TGFB2: variants seen among roughly 807,000 people sequenced by gnomAD.
TGFB2 encodes transforming growth factor beta 2, also known as transforming growth factor beta-2 proprotein.
TGFB2 carries 13 observed loss-of-function variants against 42.7 expected under a neutral mutation model. The observed-to-expected ratio is 0.30, with a 90% CI of 0.20 to 0.48. The LOEUF (loss-of-function observed/expected upper bound fraction) is 0.48. Among genes scored for constraint, TGFB2 ranks in the 20% least tolerant of loss-of-function variants. The pLI, the probability that TGFB2 is intolerant of heterozygous loss-of-function variation, is 0.99. For missense variants in TGFB2, 390 were observed against 517.5 expected, an observed-to-expected ratio of 0.75 and a Z score of 2.39; for synonymous variants, 193 against 193.6, an observed-to-expected ratio of 1.00 and a Z score of 0.03.
At position 218,424,282 on chromosome 1, in the gene TGFB2, G is replaced by A. The variant is rs545234441; in HGVS notation, c.511-9800G>A. ...ACTGTTGCTAGTGCTCTGTGGCTCC[G>A]AAGAGTAGCTTATACATTGAATAGC... On this transcript the variant is annotated intron_variant, in intron 2 of 6. Transcript: ENST00000366930. Among the ~76,000 whole-genome samples the A allele has an allele frequency of 3.1e-4, 47 of 152,330 alleles. No individual in the cohort carries two copies. In the South Asian group the frequency reaches 7.7e-3, roughly 25 times the overall value.
At chr1:218,432,259 C>T (rs1659830320) in intron 2 of TGFB2, among the ~76,000 whole-genome samples, 1 of 152,162 alleles carries the variant, frequency 6.6e-6, no homozygotes, top group Non-Finnish European at 1.5e-5. Flanking sequence ...GCATGCCAAG[C>T]CCAGAGCGTA....
rs1660150022 is a variant in TGFB2 at position 218,441,457 on chromosome 1, G to C, written c.*95G>C. The stretch of plus-strand genomic sequence containing the variant: ...ATGCTTGTAACAAGAAAACATAAGA[G>C]AGCCTTGGTTCATCAGTGTTAAAAA... On this transcript the variant is annotated 3_prime_UTR_variant, in exon 7 of 7. Coordinates refer to ENST00000366930, the MANE Select transcript of TGFB2 (RefSeq NM_003238.6). 1.5e-6 allele frequency: 2 copies of C among 1,374,926 alleles called. No individual in the cohort carries two copies. Among genetic ancestry groups the C allele is most frequent in the Non-Finnish European group, 1.9e-6 (2 of 1,031,260 alleles). 85.2% of individuals were successfully genotyped at this position (1,374,926 alleles called of 1,614,324 possible).
At position 218,346,056 on chromosome 1, in the gene TGFB2, G is replaced by GCACACGCA. The variant is rs1553291857; in HGVS notation, c.-641_-640insGCACACAC. ...GGGCTCGCCCCCAGCGCGCGCACAC[G>GCACACGCA]CACACACACACACACACACACACAC... On this transcript the variant is annotated 5_prime_UTR_variant, in exon 1 of 7. Transcript: ENST00000366930. This position sits in a 1 kb window ranked among gnomAD's most constrained non-coding sequence, Gnocchi z 4.9. Among the ~76,000 whole-genome samples the GCACACGCA allele has an allele frequency of 1.4e-5, 2 of 145,604 alleles. No individual in the cohort carries two copies. The highest frequency in any genetic ancestry group is 2.5e-5 in the African/African-American group (1 of 39,610).
At position 218,349,364 on chromosome 1, in the gene TGFB2, C is replaced by A. The variant is rs550704865; in HGVS notation, c.346+2317C>A. On this transcript the variant is annotated intron_variant, in intron 1 of 6. Coordinates refer to ENST00000366930, the MANE Select transcript of TGFB2 (RefSeq NM_003238.6). ...AAAAAAAAGGAAAAAAAGAAAAAAA[C>A]CATATTTTTAAAAAGCAAATTGAAA... is the stretch of plus-strand genomic sequence containing the variant. Among the ~76,000 whole-genome samples the A allele has an allele frequency of 1.5e-4, 23 of 152,192 alleles. No homozygotes were observed. In the East Asian group the frequency reaches 2.3e-3, roughly 15 times the overall value.
chr1:218,361,737 A>G (rs182504740), intron 1 of TGFB2, among the ~76,000 whole-genome samples: 59 of 152,316 alleles, frequency 3.9e-4, no homozygotes, highest in Non-Finnish European at 6.8e-4. Flanking sequence ...TGACTTGTTA[A>G]TCTTGTGACA....
rs73110330 is a variant in TGFB2, at chr1:218,373,312, A to C, written c.346+26265A>C. Among the ~76,000 whole-genome samples, 23 of 152,272 alleles carry C rather than the reference A, an allele frequency of 1.5e-4. 1 individual carries two copies. Among genetic ancestry groups the C allele is most frequent in the African/African-American group, 5.5e-4 (23 of 41,564 alleles). Reference sequence around the variant, plus strand: ...TGTTAGGTTTTGAGTGAATTTCTGCATGAAGAAAAGACATCTATTTGGGTG... The same window carrying C: ...TGTTAGGTTTTGAGTGAATTTCTGCCTGAAGAAAAGACATCTATTTGGGTG... On this transcript the variant is annotated intron_variant, in intron 1 of 6. Coordinates refer to ENST00000366930, the MANE Select transcript of TGFB2 (RefSeq NM_003238.6).
chr1:218,411,900 A>G (rs1166439963), intron 2 of TGFB2, among the ~76,000 whole-genome samples: 1 of 151,882 alleles, frequency 6.6e-6, no homozygotes, highest in African/African-American at 2.4e-5. Flanking sequence ...CCCAGAAATG[A>G]CACAGCATCA....
At chr1:218,404,576 A>G (rs1658843269) in intron 1 of TGFB2, among the ~76,000 whole-genome samples, 1 of 152,240 alleles carries the variant, frequency 6.6e-6, no homozygotes, top group Non-Finnish European at 1.5e-5. Context: ...TGGATCTGGT[A>G]TAAGCTAGTA....
At chr1:218,400,474 C>T (rs1463726601) in intron 1 of TGFB2, among the ~76,000 whole-genome samples, 1 of 152,032 alleles carries the variant, frequency 6.6e-6, no homozygotes, top group African/African-American at 2.4e-5. Context: ...GCCACAAGCC[C>T]ACAAGATTGA....
At chr1:218,399,525 A>G (rs1218022120) in intron 1 of TGFB2, among the ~76,000 whole-genome samples, 1 of 152,248 alleles carries the variant, frequency 6.6e-6, no homozygotes, top group Admixed American at 6.5e-5. Flanking sequence ...TGAACATTGT[A>G]GTGAAAGGTG....
At chr1:218,373,504 TACTA>T (rs149219173) in intron 1 of TGFB2, among the ~76,000 whole-genome samples, 3,124 of 151,934 alleles carry the variant, frequency 0.021, 96 homozygotes, top group African/African-American at 0.069. Context: ...TTGTTAATAA[TACTA>T]ACTATCAGTT....
intron 1 of TGFB2, among the ~76,000 whole-genome samples, chr1:218,390,060 C>A (rs1658270171): frequency 6.6e-6 from 1 of 151,978 alleles, no homozygotes; most frequent in Non-Finnish European, 1.5e-5. Flanking sequence ...TTACTTTCAC[C>A]CTCACACATT....
At chr1:218,420,370 G>T (rs533093632) in intron 2 of TGFB2, among the ~76,000 whole-genome samples, 2 of 152,278 alleles carry the variant, frequency 1.3e-5, no homozygotes, top group Non-Finnish European at 2.9e-5. Flanking sequence ...TAGTCCAGTT[G>T]AATCCTTTTC....
In TGFB2 at chr1:218,438,830, C is replaced by T. The variant is rs10482828; in HGVS notation, c.1086+1334C>T. Reference sequence around the variant, plus strand: ...TCATTTTCTTAAAGAAATTGGGGACCGGGCGCAGTGACTCATGCCTGTATT... The same window carrying T: ...TCATTTTCTTAAAGAAATTGGGGACTGGGCGCAGTGACTCATGCCTGTATT... On this transcript the variant is annotated intron_variant, in intron 6 of 6. Coordinates refer to ENST00000366930, the MANE Select transcript of TGFB2 (RefSeq NM_003238.6). 3.0e-4 allele frequency among the ~76,000 whole-genome samples: 45 copies of T among 152,122 alleles called. 2 individuals are homozygous for T. The South Asian group carries it at 9.3e-3, about 32-fold the overall frequency.
intron 1 of TGFB2, among the ~76,000 whole-genome samples, chr1:218,403,804 G>C (rs1437840058): frequency 6.6e-6 from 1 of 152,150 alleles, no homozygotes; most frequent in Non-Finnish European, 1.5e-5. Flanking sequence ...TTGTAATGAA[G>C]TCAGATAATT....
intron 6 of TGFB2, among the ~76,000 whole-genome samples, chr1:218,439,336 G>A (rs10482834): frequency 0.01 from 1,524 of 152,020 alleles, 24 homozygotes; most frequent in African/African-American, 0.034. Context: ...TATTAAAGAA[G>A]CATTAGAAAA....
At chr1:218,370,487 C>T (rs940075795) in intron 1 of TGFB2, among the ~76,000 whole-genome samples, 1 of 152,174 alleles carries the variant, frequency 6.6e-6, no homozygotes, top group Non-Finnish European at 1.5e-5. Flanking sequence ...AATATGGTTA[C>T]ATCAAGTATT....
At chr1:218,435,766 C>CA (rs1222957570) in intron 4 of TGFB2, among the ~76,000 whole-genome samples, 1 of 152,200 alleles carries the variant, frequency 6.6e-6, no homozygotes, top group African/African-American at 2.4e-5. Context: ...ACAAGAGCCC[C>CA]ATTTAGAAGT....
At chr1:218,370,085 C>T (rs762191661) in intron 1 of TGFB2, among the ~76,000 whole-genome samples, 8 of 152,296 alleles carry the variant, frequency 5.3e-5, no homozygotes, top group African/African-American at 7.2e-5. Flanking sequence ...GGAGCCTGCA[C>T]TTAGTGAGGA....
Sources: gnomAD v4.1 joint callset for allele counts (sites outside exome capture counted in the v4.1 genomes callset) on GRCh38, gnomAD v4.1.1 for gene constraint, Gnocchi (gnomAD v3.1) non-coding constraint, MANE v1.5 for transcripts, NCBI Gene and HGNC (gene_info 2026-07-23, HGNC 2026-07-21) for gene names.